Variants in UNC13B observed in about 807,000 individuals in gnomAD.
The protein encoded by UNC13B is protein unc-13 homolog B.
In UNC13B, 144 loss-of-function variants were observed where a neutral mutation model predicts 211.0. The observed-to-expected ratio is 0.68, with a 90% CI of 0.60 to 0.78. The LOEUF (loss-of-function observed/expected upper bound fraction) is 0.78, where lower values mean the gene tolerates loss of function less well. Ranked by LOEUF, UNC13B falls within the 30% of genes least tolerant of loss-of-function variation. UNC13B has a pLI of 0.00. For missense variants in UNC13B, 1,777 were observed against 2,002.0 expected, an observed-to-expected ratio of 0.89 and a Z score of 2.14; for synonymous variants, 709 against 725.8, an observed-to-expected ratio of 0.98 and a Z score of 0.37.
intron 23 of UNC13B, 121 bp downstream of exon 23, chr9:35,385,934 T>G: frequency 7.0e-7 from 1 of 1,424,096 alleles, no homozygotes; most frequent in Non-Finnish European, 9.5e-7. Context: ...AAGCTTACAT[T>G]TCTGTGTACC....
chr9:35,231,183 G>A lies in UNC13B; in HGVS notation c.116G>A (p.Arg39His), dbSNP rs745505422. ...GTGAAGAGCACAACTGTAGCAGTTC[G>A]TGGTGATCAGCCTTCCTGGGAACAG... ...QNVKSTTVAV[R>H]GDQPSWEQDF... The change falls in exon 3 of 40, where the codon CGT (arginine) becomes CAT (histidine). Residue 39 changes from arginine (R) to histidine (H), a missense_variant. Physicochemically the swap from Arg to His is conservative, Grantham distance 29. Coordinates refer to ENST00000635942, the MANE Select transcript of UNC13B (RefSeq NM_001371189.2). The A allele has an allele frequency of 2.1e-5, 34 of 1,613,438 alleles. No individual in the cohort carries two copies. The African/African-American group carries it at 2.5e-4, about 12-fold the overall frequency.
chr9:35,384,860 C>T, intron 22 of UNC13B: 3 of 694,814 alleles, frequency 4.3e-6, no homozygotes, highest in Non-Finnish European at 3.5e-6. Flanking sequence ...TTCTTAGTTC[C>T]TCCTATGTTA....
chr9:35,279,865 A>G (rs1423796637), intron 7 of UNC13B, among the ~76,000 whole-genome samples: 1 of 152,146 alleles, frequency 6.6e-6, no homozygotes, highest in Non-Finnish European at 1.5e-5. Flanking sequence ...TATTGCAGAG[A>G]TGGCACACTG....
chr9:35,336,372 T>C (rs900656510), intron 11 of UNC13B, among the ~76,000 whole-genome samples: 1 of 152,220 alleles, frequency 6.6e-6, no homozygotes, highest in Admixed American at 6.5e-5. Flanking sequence ...GGTATAACAA[T>C]GCCTCTTGCT....
At chr9:35,218,906 C>T (rs567491834) in intron 1 of UNC13B, among the ~76,000 whole-genome samples, 15 of 152,044 alleles carry the variant, frequency 9.9e-5, no homozygotes, top group Non-Finnish European at 1.0e-4. Context: ...TGCACCACCA[C>T]GCCTGGCTAA....
intron 7 of UNC13B, among the ~76,000 whole-genome samples, chr9:35,282,880 C>G (rs993616506): frequency 1.3e-5 from 2 of 152,086 alleles, no homozygotes; most frequent in African/African-American, 4.8e-5. Flanking sequence ...CGATTTTGCT[C>G]AAAACATTCC....
chr9:35,217,143 G>A (rs181197913), intron 1 of UNC13B, among the ~76,000 whole-genome samples: 13 of 152,182 alleles, frequency 8.5e-5, no homozygotes, highest in Non-Finnish European at 8.8e-5. Flanking sequence ...ACAGAACTAC[G>A]CACACACATC....
At chr9:35,344,244 C>A (rs1231013088) in intron 11 of UNC13B, among the ~76,000 whole-genome samples, 1 of 152,106 alleles carries the variant, frequency 6.6e-6, no homozygotes, top group African/African-American at 2.4e-5. Context: ...GCTGCCATGC[C>A]CCCACACTCT....
chr9:35,306,876 A>G lies in UNC13B; in HGVS notation c.7472A>G (p.Lys2491Arg), dbSNP rs1168844636. ...TTCTCCTCTCCTAAATCTCCAAAGA[A>G]AAACTCCTTTTTCTCTCTTGCTTCT... ...GLFSSPKSPK[K>R]NSFFSLASDV... Residue 2491 changes from lysine to arginine, a missense_variant, in exon 9 of 40, where the codon AAA (lysine) becomes AGA (arginine). By Grantham distance (26) the Lys-to-Arg change is conservative (BLOSUM62 2). Transcript: ENST00000635942. The G allele has an allele frequency of 1.0e-5, 4 of 398,958 alleles. No homozygotes were observed. Among genetic ancestry groups the G allele is most frequent in the Non-Finnish European group, 8.8e-6 (2 of 226,072 alleles). 24.7% of individuals were successfully genotyped at this position (398,958 alleles called of 1,614,324 possible). A position where few individuals can be genotyped will look rare whatever the true frequency, so the allele number is the denominator to read the frequency against.
In UNC13B at chr9:35,396,902, C is replaced by T. The variant is rs1564196595; in HGVS notation, c.11497C>T (p.Leu3833=). ...GAATGAGGATGTATCCCTGGAATTC[C>T]TGCGTGGGGCCCTGGAACGAGATAA... ...DENEDVSLEF[L]RGALERDKKD... is the part of the protein sequence containing the mutation. Residue 3833 remains leucine, a synonymous_variant, in exon 28 of 40, where the codon CTG becomes TTG. Transcript: ENST00000635942. The T allele has an allele frequency of 1.9e-6, 3 of 1,613,974 alleles. No individual in the cohort carries two copies. Among genetic ancestry groups the T allele is most frequent in the African/African-American group, 1.3e-5 (1 of 74,880 alleles).
chr9:35,381,527 A>G (rs760557792), intron 19 of UNC13B, 29 bp from the exon 20 acceptor site: 27 of 1,601,900 alleles, frequency 1.7e-5, no homozygotes, highest in Non-Finnish European at 1.6e-5. Flanking sequence ...TGTTTAACCC[A>G]TTCCCTTTCT....
chr9:35,198,855 G>T (rs116561980), intron 1 of UNC13B, among the ~76,000 whole-genome samples: 2 of 152,132 alleles, frequency 1.3e-5, no homozygotes, highest in Non-Finnish European at 2.9e-5. Flanking sequence ...GGGACCTAGG[G>T]ACTGTTTTTA....
intron 1 of UNC13B, among the ~76,000 whole-genome samples, chr9:35,222,043 G>C (rs763842784): frequency 2.6e-5 from 4 of 152,130 alleles, no homozygotes; most frequent in African/African-American, 4.8e-5. Flanking sequence ...ATACCACACT[G>C]TCTTGATTCC....
rs754040909 is a variant in UNC13B at position 35,304,430 on chromosome 9, A to G, written c.5026A>G (p.Thr1676Ala). ...RPCGSEDAECTLDLRNQPQTI... is the reference protein window; with the variant it reads ...RPCGSEDAECALDLRNQPQTI... ...GTGTGGTTCTGAAGACGCTGAATGTACATTAGATCTCAGAAATCAGCCCCA... is the reference window on the plus strand; with the variant it reads ...GTGTGGTTCTGAAGACGCTGAATGTGCATTAGATCTCAGAAATCAGCCCCA... Residue 1676 changes from threonine (T) to alanine (A), a missense_variant, in exon 9 of 40, where the codon ACA (threonine) becomes GCA (alanine). Physicochemically the swap from Thr to Ala is moderately conservative, Grantham distance 58 (BLOSUM62 0). Transcript: ENST00000635942. The G allele has an allele frequency of 1.6e-4, 62 of 398,602 alleles. No homozygotes were observed. The highest frequency in any genetic ancestry group is 2.5e-4 in the Non-Finnish European group (57 of 225,894). The allele number at this position is 398,602 out of a possible 1,614,324, so 24.7% of individuals were successfully genotyped here.
At chr9:35,396,049 C>G (rs116637375) in intron 26 of UNC13B, among the ~76,000 whole-genome samples, 2 of 152,124 alleles carry the variant, frequency 1.3e-5, no homozygotes, top group African/African-American at 2.4e-5. Flanking sequence ...CTCATCTCTG[C>G]CTTTAAGCCT....
At position 35,306,546 on chromosome 9, in the gene UNC13B, A is replaced by C. The variant is rs1359428125; in HGVS notation, c.7142A>C (p.Gln2381Pro). Residue 2381 changes from glutamine (Q) to proline (P), a missense_variant, in exon 9 of 40, where the codon CAG (glutamine) becomes CCG (proline). By Grantham distance (76) the Gln-to-Pro change is moderately conservative. Coordinates refer to ENST00000635942, the MANE Select transcript of UNC13B (RefSeq NM_001371189.2). ...SLSNSFSHAKQLIEKFNDLDT... is the reference protein window; with the variant it reads ...SLSNSFSHAKPLIEKFNDLDT... ...TCCAACTCTTTTTCACATGCTAAAC[A>C]GTTAATTGAAAAATTCAATGATTTA... is the stretch of plus-strand genomic sequence containing the variant. The C allele has an allele frequency of 5.0e-6, 2 of 398,908 alleles. No homozygotes were observed. Among genetic ancestry groups the C allele is most frequent in the African/African-American group, 4.1e-5 (2 of 48,636 alleles). 24.7% of individuals were successfully genotyped at this position (398,908 alleles called of 1,614,324 possible).
chr9:35,231,504 T>C (rs913328502), intron 3 of UNC13B, among the ~76,000 whole-genome samples: 22 of 152,158 alleles, frequency 1.4e-4, no homozygotes, highest in African/African-American at 4.8e-4. Context: ...AAAAACTACA[T>C]AGGCAGATTT....
chr9:35,309,053 C>G (rs775866869), intron 9 of UNC13B, among the ~76,000 whole-genome samples: 115 of 152,180 alleles, frequency 7.6e-4, no homozygotes, highest in Non-Finnish European at 3.1e-4. Context: ...TAAAATCTCA[C>G]AGGAACTCAG....
chr9:35,238,769 G>A (rs563276750), intron 5 of UNC13B, among the ~76,000 whole-genome samples: 54 of 152,138 alleles, frequency 3.5e-4, no homozygotes, highest in Non-Finnish European at 6.9e-4. Context: ...TGTTGGTCAG[G>A]CTGGTCTTGA....
Sources: gnomAD v4.1 joint callset for allele counts (sites outside exome capture counted in the v4.1 genomes callset) on GRCh38, gnomAD v4.1.1 for gene constraint, MANE v1.5 for transcripts, NCBI Gene and HGNC (gene_info 2026-07-23, HGNC 2026-07-21) for gene names.